ABAT: variants seen among roughly 807,000 people sequenced by gnomAD.
ABAT encodes the protein 4-aminobutyrate aminotransferase, mitochondrial.
Under a neutral mutation model 64.6 loss-of-function variants are expected in ABAT, and 45 were observed. That is an observed-to-expected ratio of 0.70 (90% confidence interval 0.55 to 0.89). ABAT has a LOEUF of 0.89. ABAT is among the 40% of genes least tolerant of loss of function. The pLI is 0.00. For missense variants in ABAT, 633 were observed against 658.4 expected (o/e 0.96, Z 0.42); for synonymous variants, 297 against 250.5 (o/e 1.19, Z -1.75).
Position 8,781,337 on chromosome 16 carries a change from A to C in ABAT, c.1410A>C (p.Lys470Asn). The C allele has an allele frequency of 1.2e-6, 2 of 1,614,040 alleles. No homozygotes were observed. Among genetic ancestry groups the C allele is most frequent in the African/African-American group, 2.7e-5 (2 of 75,006 alleles). ...KGVVLGGCGDKSIRFRPTLVF... is the reference protein window; with the variant it reads ...KGVVLGGCGDNSIRFRPTLVF... ...TGGTGTTGGGTGGCTGTGGTGACAA[A>C]TCCATTCGTTTCCGTCCCACGCTGG... is the stretch of plus-strand genomic sequence containing the variant. Residue 470 changes from lysine (K) to asparagine (N), a missense_variant, in exon 16 of 16, where the codon AAA becomes AAC. Lys to Asn is a moderately conservative substitution (Grantham distance 94). Coordinates refer to ENST00000268251, the MANE Select transcript of ABAT (RefSeq NM_020686.6). This position sits in a 1 kb window ranked among gnomAD's most constrained non-coding sequence, Gnocchi z 4.5.
chr16:8,686,416 G>T (rs1398742218), intron 1 of ABAT, among the ~76,000 whole-genome samples: 2 of 152,224 alleles, frequency 1.3e-5, no homozygotes, highest in Non-Finnish European at 2.9e-5. Flanking sequence ...GAGGCAGGCT[G>T]GCAGGGTGAG....
At chr16:8,723,615 C>T (rs2058437782) in intron 1 of ABAT, among the ~76,000 whole-genome samples, 1 of 151,898 alleles carries the variant, frequency 6.6e-6, no homozygotes, top group Admixed American at 6.6e-5. Context: ...AGAGTAAATG[C>T]AAATGACTTG....
In ABAT at chr16:8,757,758, T is replaced by C. The variant is rs1384333987; in HGVS notation, c.318T>C (p.Gly106=). 21 of 1,614,060 alleles carry C rather than the reference T, an allele frequency of 1.3e-5. No homozygotes were observed. Among genetic ancestry groups the C allele is most frequent in the Admixed American group, 8.3e-5 (5 of 60,014 alleles). Residue 106 remains glycine (G), a splice_region_variant and synonymous_variant, in exon 6 of 16, where the codon GGT becomes GGC. Transcript: ENST00000268251. ...LYSQISSVPI[G]YSHPALLKLI... Reference sequence around the variant, plus strand: ...CTAACAATACTCTCCTGCCCTCAGGTTACAGCCACCCCGCCCTGCTGAAAC... The same window carrying C: ...CTAACAATACTCTCCTGCCCTCAGGCTACAGCCACCCCGCCCTGCTGAAAC...
chr16:8,694,677 G>A (rs1256926905), intron 1 of ABAT, among the ~76,000 whole-genome samples: 1 of 152,180 alleles, frequency 6.6e-6, no homozygotes, highest in East Asian at 1.9e-4. Flanking sequence ...CGCACCTGGG[G>A]CCAGCTATGA....
At chr16:8,737,269 G>A (rs547764810) in intron 2 of ABAT, 1 of 152,090 alleles carries the variant, frequency 6.6e-6, no homozygotes, top group African/African-American at 2.4e-5. Flanking sequence ...CCTGAGGTCA[G>A]GGGTCGAGAC....
chr16:8,682,274 T>C (rs1464008210), intron 1 of ABAT, among the ~76,000 whole-genome samples: 1 of 150,220 alleles, frequency 6.7e-6, no homozygotes, highest in Non-Finnish European at 1.5e-5. Flanking sequence ...TGGCTGGGGG[T>C]GTAGATGGAT....
intron 2 of ABAT, chr16:8,736,504 G>C (rs528323630): frequency 6.6e-6 from 1 of 152,414 alleles, no homozygotes; most frequent in East Asian, 1.9e-4. Context: ...CACACATCTG[G>C]GATCGCTGCT....
chr16:8,705,255 G>C (rs866900177), intron 1 of ABAT, among the ~76,000 whole-genome samples: 1 of 152,088 alleles, frequency 6.6e-6, no homozygotes, highest in African/African-American at 2.4e-5. Flanking sequence ...TTCACAAGGT[G>C]GCAGGAGAGA....
rs574586877 is a variant in ABAT at position 8,738,625 on chromosome 16, T to G, written c.70+2816T>G. Among the ~76,000 whole-genome samples, 48 of 146,768 alleles carry G rather than the reference T, an allele frequency of 3.3e-4. 3 individuals are homozygous for G. The highest frequency in any genetic ancestry group is 1.2e-3 in the African/African-American group (46 of 37,998). On this transcript the variant is annotated intron_variant, in intron 2 of 15. Coordinates refer to ENST00000268251, the MANE Select transcript of ABAT (RefSeq NM_020686.6). ...TTTTGTTTTTGTTTTTGTTTTTGTT[T>G]TTGTTTTTTTTTTGGTGTGTGTGTA...
At chr16:8,733,134 C>G (rs967997486) in intron 1 of ABAT, among the ~76,000 whole-genome samples, 6 of 150,444 alleles carry the variant, frequency 4.0e-5, no homozygotes, top group South Asian at 4.2e-4. Context: ...CTGACCCCCC[C>G]CCACCTCCCT....
intron 1 of ABAT, among the ~76,000 whole-genome samples, chr16:8,699,490 A>G (rs73497655): frequency 0.07 from 10,701 of 152,048 alleles, 1,260 homozygotes; most frequent in African/African-American, 0.24. Context: ...CCTGGGAATC[A>G]GAGGTTGCAG....
At chr16:8,748,259 A>G (rs1040145478) in intron 4 of ABAT, 122 bp downstream of exon 4, 1 of 867,414 alleles carries the variant, frequency 1.2e-6, no homozygotes, top group Non-Finnish European at 1.8e-6. Flanking sequence ...TGTTCTAAAC[A>G]TTTTTTCTCA....
At chr16:8,703,041 T>C (rs1048743469) in intron 1 of ABAT, among the ~76,000 whole-genome samples, 4 of 152,022 alleles carry the variant, frequency 2.6e-5, no homozygotes, top group African/African-American at 9.7e-5. Context: ...CAGGTAGAGT[T>C]GACGAACACC....
At chr16:8,714,486 TG>T in intron 1 of ABAT, 1 of 152,392 alleles carries the variant, frequency 6.6e-6, no homozygotes, top group African/African-American at 2.4e-5. Context: ...CTTCACATCT[TG>T]TGGCTGATTA....
At chr16:8,768,298 A>G (rs2060004774) in intron 10 of ABAT, 42 bp downstream of exon 10, 1 of 1,597,220 alleles carries the variant, frequency 6.3e-7, no homozygotes. Context: ...CGTTTAGAAT[A>G]GTAATAATAA....
chr16:8,708,887 A>G (rs1405829749), intron 1 of ABAT, among the ~76,000 whole-genome samples: 1 of 152,192 alleles, frequency 6.6e-6, no homozygotes, highest in East Asian at 1.9e-4. Flanking sequence ...CAGGTGCTCA[A>G]TAAACGGCGG....
chr16:8,713,917 T>G (rs2058138669), intron 1 of ABAT: 1 of 456,000 alleles, frequency 2.2e-6, no homozygotes, highest in African/African-American at 2.0e-5. Flanking sequence ...CATGTGTATG[T>G]ATTTGCTGCC....
At chr16:8,768,708 A>G in intron 10 of ABAT, 117 bp from the exon 11 acceptor site, 3 of 1,417,510 alleles carry the variant, frequency 2.1e-6, no homozygotes, top group Non-Finnish European at 3.0e-6. Context: ...TTCACAGGCA[A>G]CAGGCCTCCC....
chr16:8,738,016 GGAAA>G (rs1555488687), intron 2 of ABAT, among the ~76,000 whole-genome samples: 3 of 57,684 alleles, frequency 5.2e-5, no homozygotes, highest in South Asian at 5.6e-4. Flanking sequence ...AAGAAAGAAA[GGAAA>G]GAAAGAAAGA....
Sources: gnomAD v4.1 joint callset for allele counts (sites outside exome capture counted in the v4.1 genomes callset) on GRCh38, gnomAD v4.1.1 for gene constraint, Gnocchi (gnomAD v3.1) non-coding constraint, MANE v1.5 for transcripts, NCBI Gene and HGNC (gene_info 2026-07-23, HGNC 2026-07-21) for gene names.